Variants in INF2 observed in about 807,000 individuals in gnomAD.
INF2 encodes the protein inverted formin-2.
Under a neutral mutation model 123.5 loss-of-function variants are expected in INF2, and 43 were observed. The ratio of observed to expected loss-of-function variants is 0.35; its 90% CI spans 0.27 to 0.45. The LOEUF is 0.45. INF2 is among the 20% of genes least tolerant of loss of function. The pLI is 1.00. For synonymous variants in INF2, 851 were observed against 745.0 expected (o/e 1.14, Z -2.32); for missense variants, 1,453 against 1,682.7 (o/e 0.86, Z 2.39).
At chr14:104,696,845 C>T (rs1889215018) in intron 1 of INF2, among the ~76,000 whole-genome samples, 1 of 152,100 alleles carries the variant, frequency 6.6e-6, no homozygotes, top group Non-Finnish European at 1.5e-5. Context: ...TGCACCCCCA[C>T]CACCAACGCT....
chr14:104,708,564 C>G lies in INF2; in HGVS notation c.1864C>G (p.Arg622Gly), dbSNP rs539256832. ...KPKEPTMVAP[R>G]ARKEPKEITF... ...CAAGGAGCCCACCATGGTGGCCCCC[C>G]GGGCCAGGAAGGAGCCCAAGGAGGT... Residue 622 changes from arginine to glycine, a missense_variant, in exon 9 of 23, where the codon CGG (arginine) becomes GGG (glycine). Coordinates refer to ENST00000392634, the MANE Select transcript of INF2 (RefSeq NM_022489.4). 4.7e-5 allele frequency: 76 copies of G among 1,612,376 alleles called. No homozygotes were observed. The Admixed American group carries it at 7.2e-4, about 15-fold the overall frequency.
intron 17 of INF2, 85 bp from the exon 18 acceptor site, chr14:104,712,743 C>A: frequency 6.7e-7 from 1 of 1,496,498 alleles, no homozygotes; most frequent in South Asian, 1.3e-5. Flanking sequence ...TCCCTGTGGC[C>A]GTCACCCTCC....
At chr14:104,706,270 T>A in intron 6 of INF2, 94 bp downstream of exon 6, 1 of 1,303,366 alleles carries the variant, frequency 7.7e-7, no homozygotes, top group Non-Finnish European at 1.0e-6. Flanking sequence ...CTCCCTGCCC[T>A]GGTCAGACCC....
Position 104,722,141 on chromosome 14 carries a change from G to A in INF2, c.*3348G>A, listed in dbSNP as rs1446717527. 6.6e-6 allele frequency: 1 copy of A among 152,396 alleles called. No individual in the cohort carries two copies. Among genetic ancestry groups the A allele is most frequent in the East Asian group, 1.9e-4 (1 of 5,202 alleles). The allele number at this position is 152,396 out of a possible 1,614,324, so 9.4% of individuals were successfully genotyped here. On this transcript the variant is annotated 3_prime_UTR_variant, in exon 23 of 23. Coordinates refer to ENST00000392634, the MANE Select transcript of INF2 (RefSeq NM_022489.4). Reference sequence around the variant, plus strand: ...CCACTGTGGGGGGTAAGGGGTGGAGGTGTTCTAATTCGGGCTGAGCCGTGT... The same window carrying A: ...CCACTGTGGGGGGTAAGGGGTGGAGATGTTCTAATTCGGGCTGAGCCGTGT...
In INF2 at chr14:104,721,219, G is replaced by A. The variant is rs537925819; in HGVS notation, c.*2426G>A. ...GTAGTCTCGTGTGGATGCTGCTGTG[G>A]ACGTCTGCGTCGTCCTCGTGTGGAT... On this transcript the variant is annotated 3_prime_UTR_variant, in exon 23 of 23. Transcript: ENST00000392634. 617 of 127,644 alleles carry A rather than the reference G, an allele frequency of 4.8e-3. 7 individuals carry two copies. Among genetic ancestry groups the A allele is most frequent in the Non-Finnish European group, 7.5e-3 (447 of 59,414 alleles). The allele number at this position is 127,644 out of a possible 1,614,324, so 7.9% of individuals were successfully genotyped here. A position where few individuals can be genotyped will look rare whatever the true frequency, so the allele number is the denominator to read the frequency against.
chr14:104,682,127 G>A (rs1325061577), intron 1 of INF2, among the ~76,000 whole-genome samples: 1 of 152,208 alleles, frequency 6.6e-6, no homozygotes, highest in Admixed American at 6.5e-5. Flanking sequence ...GTCAGATAGG[G>A]GTTTGGGGTT....
upstream of INF2, chr14:104,689,604 C>A: frequency 1.2e-6 from 1 of 821,118 alleles, no homozygotes; most frequent in Non-Finnish European, 1.5e-6. Flanking sequence ...GCCCGCCCCG[C>A]CCGCCCCGCG....
At position 104,719,972 on chromosome 14, in the gene INF2, G is replaced by C. The variant is rs888993663; in HGVS notation, c.*1179G>C. ...TCCCTGGTTATGTGTGTGCTGCGGTGGTGTTTGCTCTCCAGCAGATCAAGT... is the reference window on the plus strand; with the variant it reads ...TCCCTGGTTATGTGTGTGCTGCGGTCGTGTTTGCTCTCCAGCAGATCAAGT... On this transcript the variant is annotated 3_prime_UTR_variant, in exon 23 of 23. Coordinates refer to ENST00000392634, the MANE Select transcript of INF2 (RefSeq NM_022489.4). 1 of 152,514 alleles carries C rather than the reference G, an allele frequency of 6.6e-6. No individual in the cohort carries two copies. The highest frequency in any genetic ancestry group is 1.5e-5 in the Non-Finnish European group (1 of 68,248). 9.4% of individuals were successfully genotyped at this position (152,514 alleles called of 1,614,324 possible).
In INF2 at chr14:104,699,661, G is replaced by T. The variant is rs936643033; in HGVS notation, c.-9-1696G>T. On this transcript the variant is annotated intron_variant, in intron 1 of 22. Transcript: ENST00000392634. The surrounding 1 kb of genome is among the most constrained non-coding windows in gnomAD (Gnocchi z 4.7). ...CCTGGGAGGGTGGCTTAAAACCACA[G>T]TGCACCGGGGGCTCCGGGCTCTCCG... 1 of 888,296 alleles carries T rather than the reference G, an allele frequency of 1.1e-6. No individual in the cohort carries two copies. The highest frequency in any genetic ancestry group is 6.2e-5 in the Admixed American group (1 of 16,178). 55.0% of individuals were successfully genotyped at this position (888,296 alleles called of 1,614,324 possible).
intron 1 of INF2, among the ~76,000 whole-genome samples, chr14:104,683,524 C>T (rs1888581640): frequency 6.6e-6 from 1 of 151,978 alleles, no homozygotes; most frequent in Non-Finnish European, 1.5e-5. Flanking sequence ...AGGGAGAAGG[C>T]CCGCAGGGGA....
Position 104,699,447 on chromosome 14 carries a change from C to A in INF2, c.-9-1910C>A. 1.0e-6 allele frequency: 1 copy of A among 985,264 alleles called. No homozygotes were observed. The allele number at this position is 985,264 out of a possible 1,614,324, so 61.0% of individuals were successfully genotyped here. The stretch of plus-strand genomic sequence containing the variant: ...GCAACCCTACTGCCACCAGGAGGGG[C>A]GTTGGGGACCTGAGGCTGCCTGGGA... On this transcript the variant is annotated intron_variant, in intron 1 of 22. Transcript: ENST00000392634. This position sits in a 1 kb window ranked among gnomAD's most constrained non-coding sequence, Gnocchi z 4.7.
At chr14:104,685,635 G>A (rs903175960), upstream of INF2, among the ~76,000 whole-genome samples, 1 of 149,166 alleles carries the variant, frequency 6.7e-6, no homozygotes, top group African/African-American at 2.5e-5. Flanking sequence ...TGGGTAGGTG[G>A]GGGGATGGGT....
chr14:104,707,891 G>A lies in INF2; in HGVS notation c.1624G>A (p.Val542Met), dbSNP rs1271026146. The change falls in exon 8 of 23, where the codon GTG (valine) becomes ATG (methionine). Residue 542 changes from valine to methionine, a missense_variant. Physicochemically the swap from Val to Met is conservative, Grantham distance 21. Around this residue, in one of 8 missense-constraint regions of INF2, gnomAD observed 374 missense variants for 303.7 expected, o/e 1.23. Coordinates refer to ENST00000392634, the MANE Select transcript of INF2 (RefSeq NM_022489.4). ...CATGGAGGAGGTCATCGTGGCCCAG[G>A]TGGACCATGGCTTGGGCTCAGCATG... ...GGMEEVIVAQVDHGLGSAWVP... is the reference protein window; with the variant it reads ...GGMEEVIVAQMDHGLGSAWVP... 5 of 1,605,578 alleles carry A rather than the reference G, an allele frequency of 3.1e-6. No individual in the cohort carries two copies. Among genetic ancestry groups the A allele is most frequent in the Non-Finnish European group, 4.2e-6 (5 of 1,179,682 alleles).
chr14:104,714,190 T>G lies in INF2; in HGVS notation c.3041-13T>G. 1.1e-5 allele frequency: 16 copies of G among 1,497,832 alleles called. No homozygotes were observed. Among genetic ancestry groups the G allele is most frequent in the Non-Finnish European group, 1.4e-5 (16 of 1,124,342 alleles). The allele number at this position is 1,497,832 out of a possible 1,614,324, so 92.8% of individuals were successfully genotyped here. ...AGGGTGCCTGCCCTTCACTGGTGTG[T>G]CCCTCCATCCAGTGGCCACCAGTAA... On this transcript the variant is annotated splice_polypyrimidine_tract_variant and intron_variant, in intron 20 of 22. Coordinates refer to ENST00000392634, the MANE Select transcript of INF2 (RefSeq NM_022489.4).
intron 22 of INF2, chr14:104,716,005 GTCAA>G (rs1196201427): frequency 1.1e-5 from 5 of 454,476 alleles, no homozygotes; most frequent in East Asian, 6.9e-5. Context: ...CCAGCCAAAG[GTCAA>G]TCAGCCAGGT....
upstream of INF2, among the ~76,000 whole-genome samples, chr14:104,688,370 A>T (rs891084860): frequency 1.3e-5 from 2 of 152,078 alleles, no homozygotes; most frequent in Non-Finnish European, 2.9e-5. Flanking sequence ...AGGCACACCA[A>T]AGCCAAAGGA....
In INF2 at chr14:104,711,201, C is replaced by T. The variant is rs771962158; in HGVS notation, c.2418+15C>T. The T allele has an allele frequency of 5.8e-6, 9 of 1,545,192 alleles. No individual in the cohort carries two copies. Among genetic ancestry groups the T allele is most frequent in the East Asian group, 2.4e-5 (1 of 40,964 alleles). ...ACGTGCTGGAGGTGGGCCGTGGTGG[C>T]GGGGGCATAATGGGAGGGCTTCAAG... On this transcript the variant is annotated intron_variant, in intron 15 of 22. Coordinates refer to ENST00000392634, the MANE Select transcript of INF2 (RefSeq NM_022489.4).
chr14:104,695,087 T>G (rs1387102224), intron 1 of INF2, among the ~76,000 whole-genome samples: 1 of 152,044 alleles, frequency 6.6e-6, no homozygotes, highest in African/African-American at 2.4e-5. Context: ...AGGATTCTGG[T>G]GACGAGCTCC....
In INF2 at chr14:104,707,818, C is replaced by T. The variant is rs765287447; in HGVS notation, c.1551C>T (p.Pro517=). 3 of 1,571,976 alleles carry T rather than the reference C, an allele frequency of 1.9e-6. No individual in the cohort carries two copies. The South Asian group carries it at 3.4e-5, about 18-fold the overall frequency. ...LPGMGWGPPP[P]PPPLLPCTCS... ...GTATGGGCTGGGGCCCTCCTCCACC[C>T]CCACCTCCACTACTGCCCTGCACCT... is the stretch of plus-strand genomic sequence containing the variant. Residue 517 remains proline, a synonymous_variant, in exon 8 of 23, where the codon CCC becomes CCT. Coordinates refer to ENST00000392634, the MANE Select transcript of INF2 (RefSeq NM_022489.4).
Sources: gnomAD v4.1 joint callset for allele counts (sites outside exome capture counted in the v4.1 genomes callset) on GRCh38, gnomAD v4.1.1 for gene constraint, gnomAD v4.1.1 regional missense constraint, Gnocchi (gnomAD v3.1) non-coding constraint, MANE v1.5 for transcripts, NCBI Gene and HGNC (gene_info 2026-07-23, HGNC 2026-07-21) for gene names.